ANKRD45: variants seen among roughly 807,000 people sequenced by gnomAD.
ANKRD45 encodes ankyrin repeat domain 45, also known as ankyrin repeat domain-containing protein 45.
Under a neutral mutation model 28.1 loss-of-function variants are expected in ANKRD45, and 21 were observed. That is an observed-to-expected ratio of 0.75 (90% confidence interval 0.53 to 1.08). The LOEUF is 1.08. ANKRD45 is among the 50% of genes least tolerant of loss of function. The probability of loss-of-function intolerance (pLI) is 0.00; values close to 1 mark genes in which losing one functional copy is unlikely to be tolerated. For synonymous variants in ANKRD45, 86 were observed against 103.9 expected (o/e 0.83, Z 1.05); for missense variants, 261 against 308.7 (o/e 0.85, Z 1.16).
At chr1:173,612,844 C>T (rs903587081) in intron 5 of ANKRD45, 142 of 166,512 alleles carry the variant, frequency 8.5e-4, no homozygotes, top group African/African-American at 3.1e-3. Flanking sequence ...CCGCCAGCCT[C>T]GGCCTCCTGA....
chr1:173,662,734 C>A (rs1236749036), intron 1 of ANKRD45, among the ~76,000 whole-genome samples: 4 of 152,130 alleles, frequency 2.6e-5, no homozygotes, highest in Non-Finnish European at 5.9e-5. Flanking sequence ...AAACAAAAAT[C>A]TTTTCTAACA....
the ANKRD45 span, among the ~76,000 whole-genome samples, chr1:173,713,732 C>T: frequency 6.6e-6 from 1 of 151,998 alleles, no homozygotes. Flanking sequence ...TCCCATACCC[C>T]TATGACTGCA....
At chr1:173,637,956 A>G (rs1324630833) in intron 3 of ANKRD45, among the ~76,000 whole-genome samples, 1 of 152,166 alleles carries the variant, frequency 6.6e-6, no homozygotes, top group Non-Finnish European at 1.5e-5. Flanking sequence ...CAAGGAATAT[A>G]GTTGGATTCT....
At chr1:173,645,358 C>T (rs1444181662) in intron 3 of ANKRD45, among the ~76,000 whole-genome samples, 1 of 152,164 alleles carries the variant, frequency 6.6e-6, no homozygotes, top group Non-Finnish European at 1.5e-5. Flanking sequence ...TAACAATTTT[C>T]AGTGGCTCCC....
the ANKRD45 span, among the ~76,000 whole-genome samples, chr1:173,678,577 G>C: frequency 1.3e-5 from 2 of 152,058 alleles, no homozygotes. Context: ...AATAATAAGA[G>C]CTATTTATGA....
intron 2 of ANKRD45, among the ~76,000 whole-genome samples, chr1:173,649,210 G>A (rs983911087): frequency 1.3e-5 from 2 of 152,072 alleles, no homozygotes; most frequent in African/African-American, 4.8e-5. Flanking sequence ...TTGTAAGCAT[G>A]TGTGAGAGTT....
chr1:173,690,779 C>A, the ANKRD45 span, among the ~76,000 whole-genome samples: 1 of 152,154 alleles, frequency 6.6e-6, no homozygotes, highest in Admixed American at 6.5e-5. Flanking sequence ...CCCCTTACTC[C>A]CTGTCTTGCT....
At chr1:173,642,371 T>C (rs977649126) in intron 3 of ANKRD45, among the ~76,000 whole-genome samples, 19 of 152,276 alleles carry the variant, frequency 1.2e-4, no homozygotes, top group Middle Eastern at 3.4e-3. Context: ...AGATTACTTC[T>C]CTTAAAAGGA....
chr1:173,619,377 C>T (rs1335619190), intron 5 of ANKRD45, among the ~76,000 whole-genome samples: 1 of 152,128 alleles, frequency 6.6e-6, no homozygotes, highest in Non-Finnish European at 1.5e-5. Flanking sequence ...CATCAGTATG[C>T]TGTCTTCAAG....
intron 1 of ANKRD45, among the ~76,000 whole-genome samples, chr1:173,663,004 G>C (rs929790316): frequency 6.6e-6 from 1 of 151,198 alleles, no homozygotes; most frequent in African/African-American, 2.4e-5. Context: ...AAGAATTACA[G>C]TGGAAACTTA....
the ANKRD45 span, among the ~76,000 whole-genome samples, chr1:173,700,337 G>C: frequency 2.6e-5 from 4 of 152,056 alleles, no homozygotes; most frequent in Non-Finnish European, 5.9e-5. Flanking sequence ...AGTTCATATG[G>C]AATCAAAAAA....
At chr1:173,689,736 A>T in the ANKRD45 span, among the ~76,000 whole-genome samples, 1 of 151,424 alleles carries the variant, frequency 6.6e-6, no homozygotes, top group Non-Finnish European at 1.5e-5. Flanking sequence ...TTTTATTATT[A>T]TCTCCCTTAC....
At chr1:173,658,336 T>A (rs1398604464) in intron 2 of ANKRD45, 1 of 152,454 alleles carries the variant, frequency 6.6e-6, no homozygotes, top group Non-Finnish European at 1.5e-5. Flanking sequence ...AAAATAAAAA[T>A]GAAAATAAAA....
the ANKRD45 span, among the ~76,000 whole-genome samples, chr1:173,677,006 T>C: frequency 2.6e-5 from 4 of 151,940 alleles, no homozygotes; most frequent in Non-Finnish European, 5.9e-5. Context: ...TTTTGGACTT[T>C]AAGGAACCGG....
chr1:173,625,788 A>T (rs1270879830), intron 4 of ANKRD45, among the ~76,000 whole-genome samples: 1 of 151,976 alleles, frequency 6.6e-6, no homozygotes, highest in East Asian at 1.9e-4. Context: ...ATGGATACAT[A>T]TGATTATATA....
At chr1:173,670,461 G>A (rs1414831639), upstream of ANKRD45, among the ~76,000 whole-genome samples, 3 of 152,222 alleles carry the variant, frequency 2.0e-5, no homozygotes, top group African/African-American at 7.2e-5. Flanking sequence ...GGAAGTTTTT[G>A]TGCTGAAGGC....
the ANKRD45 span, among the ~76,000 whole-genome samples, chr1:173,701,802 C>T: frequency 6.6e-6 from 1 of 151,482 alleles, no homozygotes; most frequent in Non-Finnish European, 1.5e-5. Context: ...TACCCTAGAA[C>T]TTAGAGTATA....
intron 5 of ANKRD45, among the ~76,000 whole-genome samples, chr1:173,613,360 G>A (rs550927156): frequency 2.1e-4 from 31 of 151,202 alleles, no homozygotes; most frequent in South Asian, 1.7e-3. Flanking sequence ...CCCAGCAGCC[G>A]CCCCGTCTGA....
chr1:173,667,881 C>T (rs1670093107), intron 1 of ANKRD45: 1 of 207,444 alleles, frequency 4.8e-6, no homozygotes, highest in South Asian at 6.1e-5. Flanking sequence ...AACGGATAGA[C>T]TGCAGAAGCA....
Sources: allele counts gnomAD v4.1 joint callset (sites outside exome capture counted in the v4.1 genomes callset), GRCh38; gene constraint gnomAD v4.1.1; transcripts MANE v1.5; gene names NCBI Gene and HGNC (gene_info 2026-07-23, HGNC 2026-07-21).